The following KIF13A variants were observed in gnomAD, a reference collection of about 807,000 sequenced individuals.
KIF13A encodes the protein kinesin-like protein KIF13A.
KIF13A carries 79 observed loss-of-function variants against 212.2 expected under a neutral mutation model. The ratio of observed to expected loss-of-function variants is 0.37; its 90% CI spans 0.31 to 0.45. The LOEUF is 0.45. KIF13A is among the 20% of genes least tolerant of loss of function. KIF13A has a pLI of 1.00. For synonymous variants in KIF13A, 789 were observed against 808.6 expected, an observed-to-expected ratio of 0.98 and a Z score of 0.41; for missense variants, 1,901 against 2,209.0, an observed-to-expected ratio of 0.86 and a Z score of 2.79.
chr6:17,796,786 TC>T lies in KIF13A; in HGVS notation c.2824del (p.Glu942SerfsTer44). ...GGCCAGTGCTCCATCTGAAATGAACTCCAGAAATTCTTCTGTTACATTCACC... is the reference window on the plus strand; with the variant it reads ...GGCCAGTGCTCCATCTGAAATGAACTCAGAAATTCTTCTGTTACATTCACC... ...YVVNVTEEFL[E>X]FISDGALAIE... On this transcript the variant is annotated frameshift_variant, in exon 23 of 39. Coordinates refer to ENST00000259711, the MANE Select transcript of KIF13A (RefSeq NM_022113.6). LOFTEE classifies it high-confidence loss of function. The T allele has an allele frequency of 6.4e-7, 1 of 1,574,588 alleles. No homozygotes were observed. The highest frequency in any genetic ancestry group is 8.6e-7 in the Non-Finnish European group (1 of 1,157,800).
Position 17,764,594 on chromosome 6 carries a change from C to T in KIF13A, c.4934G>A (p.Arg1645Lys). 1 of 1,613,922 alleles carries T rather than the reference C, an allele frequency of 6.2e-7. No individual in the cohort carries two copies. Among genetic ancestry groups the T allele is most frequent in the South Asian group, 1.1e-5 (1 of 91,070 alleles). The change falls in exon 39 of 39, where the codon AGG becomes AAG. Residue 1645 changes from arginine to lysine, a missense_variant. This residue lies in a region of KIF13A where 687 missense variants were observed against 759.1 expected (regional missense o/e 0.90). Transcript: ENST00000259711. This position sits in a 1 kb window ranked among gnomAD's most constrained non-coding sequence, Gnocchi z 5.1. The part of the protein sequence containing the change: ...HSTPSLVHDF[R>K]PSSNKELTEV... Reference sequence around the variant, plus strand: ...TGTCAACTCTTTGTTTGAGGACGGCCTGAAATCATGCACAAGCGATGGTGT... The same window carrying T: ...TGTCAACTCTTTGTTTGAGGACGGCTTGAAATCATGCACAAGCGATGGTGT...
chr6:17,854,496 A>C (rs1581533401), intron 6 of KIF13A, among the ~76,000 whole-genome samples: 1 of 143,728 alleles, frequency 7.0e-6, no homozygotes, highest in Non-Finnish European at 1.5e-5. Flanking sequence ...CTTACACCTT[A>C]CCTATTTTTC....
chr6:17,760,816 A>G (rs761558475), downstream of KIF13A: 4 of 1,610,326 alleles, frequency 2.5e-6, no homozygotes, highest in Non-Finnish European at 3.4e-6. Flanking sequence ...CAGGCGAACA[A>G]AGACGCCAAG....
chr6:17,802,393 G>C (rs1404848389), intron 20 of KIF13A, among the ~76,000 whole-genome samples: 2 of 151,544 alleles, frequency 1.3e-5, no homozygotes, highest in Non-Finnish European at 2.9e-5. Context: ...CCGGGTTCAA[G>C]CCATTCTCCT....
At chr6:17,884,598 T>C (rs1362914021) in intron 3 of KIF13A, among the ~76,000 whole-genome samples, 1 of 152,184 alleles carries the variant, frequency 6.6e-6, no homozygotes, top group East Asian at 1.9e-4. Flanking sequence ...TGGTTCTGTG[T>C]CAAAAATATC....
intron 12 of KIF13A, 39 bp from the exon 13 acceptor site, chr6:17,831,274 G>T: frequency 6.3e-7 from 1 of 1,594,844 alleles, no homozygotes; most frequent in African/African-American, 1.4e-5. Flanking sequence ...AACTCTGTTT[G>T]TTGTTCTATT....
intron 2 of KIF13A, among the ~76,000 whole-genome samples, chr6:17,965,225 A>G (rs1395008573): frequency 1.3e-5 from 2 of 152,188 alleles, no homozygotes; most frequent in Admixed American, 1.3e-4. Flanking sequence ...TGTTCTTAGT[A>G]TCATGTTTAG....
rs9371027 is a variant in KIF13A, at chr6:17,912,292, G to A, written c.147-14112C>T. ...AATACAAGCTTTCTTTTGCAACTGA[G>A]GTACCATCACTTGATAGAGTGACAG... is the stretch of plus-strand genomic sequence containing the variant. On this transcript the variant is annotated intron_variant, in intron 2 of 38. Transcript: ENST00000259711. The surrounding 1 kb of genome is among the most constrained non-coding windows in gnomAD (Gnocchi z 4.2). 6.6e-6 allele frequency among the ~76,000 whole-genome samples: 1 copy of A among 152,100 alleles called. No individual in the cohort carries two copies. Among genetic ancestry groups the A allele is most frequent in the Non-Finnish European group, 1.5e-5 (1 of 68,030 alleles).
intron 19 of KIF13A, 79 bp downstream of exon 19, chr6:17,805,396 T>C: frequency 1.5e-6 from 1 of 668,056 alleles, no homozygotes; most frequent in Non-Finnish European, 2.5e-6. Context: ...TGTGTGTGTG[T>C]GTGTGTGTGT....
At chr6:17,970,285 A>G (rs1327237931) in intron 2 of KIF13A, among the ~76,000 whole-genome samples, 1 of 152,104 alleles carries the variant, frequency 6.6e-6, no homozygotes, top group Non-Finnish European at 1.5e-5. Flanking sequence ...CATTTATTCA[A>G]TTTAAGTTTT....
chr6:17,923,709 C>T (rs1016250062), intron 2 of KIF13A, among the ~76,000 whole-genome samples: 25 of 152,184 alleles, frequency 1.6e-4, no homozygotes, highest in African/African-American at 5.8e-4. Flanking sequence ...AAATCTTTCA[C>T]GAGCTGCATG....
Position 17,947,088 on chromosome 6 carries a change from T to C in KIF13A, c.146+39966A>G, listed in dbSNP as rs1777465838. ...AAAGTTCAAAAAGTAGCATTCCATTTACAAAAATATTAAAACCAGGCAAAT... is the reference window on the plus strand; with the variant it reads ...AAAGTTCAAAAAGTAGCATTCCATTCACAAAAATATTAAAACCAGGCAAAT... On this transcript the variant is annotated intron_variant, in intron 2 of 38. Coordinates refer to ENST00000259711, the MANE Select transcript of KIF13A (RefSeq NM_022113.6). This position sits in a 1 kb window ranked among gnomAD's most constrained non-coding sequence, Gnocchi z 4.6. Among the ~76,000 whole-genome samples, 1 of 152,212 alleles carries C rather than the reference T, an allele frequency of 6.6e-6. No homozygotes were observed. The highest frequency in any genetic ancestry group is 1.5e-5 in the Non-Finnish European group (1 of 68,034).
rs2820219 is a variant in KIF13A at position 17,961,785 on chromosome 6, G to A, written c.146+25269C>T. On this transcript the variant is annotated intron_variant, in intron 2 of 38. Coordinates refer to ENST00000259711, the MANE Select transcript of KIF13A (RefSeq NM_022113.6). The surrounding 1 kb of genome is among the most constrained non-coding windows in gnomAD (Gnocchi z 4.1). ...CTCCAGCAACGACATAGACTGCAGC[G>A]CACACCAGGCGTCTTACCTCTAGTT... Among the ~76,000 whole-genome samples the A allele has an allele frequency of 0.017, 2,558 of 152,234 alleles. 74 individuals are homozygous for A. The highest frequency in any genetic ancestry group is 0.058 in the African/African-American group (2,408 of 41,512).
chr6:17,977,205 G>A (rs1780636151), intron 2 of KIF13A, among the ~76,000 whole-genome samples: 1 of 151,482 alleles, frequency 6.6e-6, no homozygotes, highest in Non-Finnish European at 1.5e-5. Context: ...GGCCCTCCAG[G>A]TGATTCTGAT....
At chr6:17,818,178 A>G (rs1433169508) in intron 16 of KIF13A, among the ~76,000 whole-genome samples, 1 of 152,228 alleles carries the variant, frequency 6.6e-6, no homozygotes, top group South Asian at 2.1e-4. Flanking sequence ...ACTATATTGG[A>G]CTGAGAGATG....
intron 28 of KIF13A, among the ~76,000 whole-genome samples, chr6:17,784,763 A>G (rs1760904668): frequency 6.6e-6 from 1 of 152,224 alleles, no homozygotes; most frequent in Non-Finnish European, 1.5e-5. Flanking sequence ...TTACCGCAAG[A>G]GACCTACAGG....
intron 16 of KIF13A, chr6:17,822,021 G>T (rs1764503479): frequency 9.3e-7 from 1 of 1,070,840 alleles, no homozygotes; most frequent in Non-Finnish European, 1.3e-6. Context: ...GGTAAAGGAT[G>T]GGGTAGGGGG....
intron 3 of KIF13A, among the ~76,000 whole-genome samples, chr6:17,889,613 T>C (rs375038773): frequency 2.0e-5 from 3 of 152,144 alleles, no homozygotes; most frequent in Non-Finnish European, 2.9e-5. Context: ...ATCCAATACA[T>C]AGAAAAACTC....
rs1737765720 is a variant in KIF13A at position 17,825,045 on chromosome 6, T to C, written c.1786+723A>G. Among the ~76,000 whole-genome samples, 1 of 152,164 alleles carries C rather than the reference T, an allele frequency of 6.6e-6. No homozygotes were observed. The highest frequency in any genetic ancestry group is 6.5e-5 in the Admixed American group (1 of 15,284). ...GTAACAGGTGAACATTGCTTCTGGC[T>C]TCTAAGTCCCAGTCATCAAATCTAG... is the stretch of plus-strand genomic sequence containing the variant. On this transcript the variant is annotated intron_variant, in intron 16 of 38. Coordinates refer to ENST00000259711, the MANE Select transcript of KIF13A (RefSeq NM_022113.6). This position sits in a 1 kb window ranked among gnomAD's most constrained non-coding sequence, Gnocchi z 4.5.
Sources: allele counts gnomAD v4.1 joint callset (sites outside exome capture counted in the v4.1 genomes callset), GRCh38; gene constraint gnomAD v4.1.1; regional missense constraint gnomAD v4.1.1; non-coding constraint Gnocchi (gnomAD v3.1); transcripts MANE v1.5; gene names NCBI Gene and HGNC (gene_info 2026-07-23, HGNC 2026-07-21).